Variants in CPLANE2 observed in about 807,000 individuals in gnomAD.
CPLANE2 encodes the protein ciliogenesis and planar polarity effector complex subunit 2.
Under a neutral mutation model 20.9 loss-of-function variants are expected in CPLANE2, and 24 were observed. The observed-to-expected ratio is 1.15, with a 90% CI of 0.83 to 1.61. The LOEUF (loss-of-function observed/expected upper bound fraction) is 1.61, where lower values mean the gene tolerates loss of function less well. Among genes scored for constraint, CPLANE2 ranks in the 40% most tolerant of loss-of-function variants. The probability of loss-of-function intolerance (pLI) is 0.00; values close to 1 mark genes in which losing one functional copy is unlikely to be tolerated. For missense variants in CPLANE2, 330 were observed against 355.1 expected, an observed-to-expected ratio of 0.93 and a Z score of 0.57; for synonymous variants, 132 against 144.3, an observed-to-expected ratio of 0.92 and a Z score of 0.61.
At chr1:16,236,598 G>A (rs1489962474) in intron 1 of CPLANE2, 33 bp downstream of exon 1, 1 of 1,487,000 alleles carries the variant, frequency 6.7e-7, no homozygotes, top group Admixed American at 2.0e-5. Flanking sequence ...GGAAAGACAA[G>A]TGGCGGGCTA....
intron 2 of CPLANE2, 90 bp downstream of exon 2, chr1:16,233,522 A>G (rs1357189657): frequency 1.1e-5 from 16 of 1,462,892 alleles, no homozygotes; most frequent in Non-Finnish European, 1.5e-5. Flanking sequence ...TTCCAAGGCT[A>G]CAGAGTAAGA....
chr1:16,234,263 G>T (rs1038469067), intron 1 of CPLANE2, among the ~76,000 whole-genome samples: 1 of 152,130 alleles, frequency 6.6e-6, no homozygotes, highest in Non-Finnish European at 1.5e-5. Context: ...AATCAGCTGG[G>T]TGTGGTGGTG....
In CPLANE2 at chr1:16,232,952, G is replaced by A. The variant is rs141168630; in HGVS notation, c.331C>T (p.Arg111Cys). The change falls in exon 3 of 5, where the codon CGT (arginine) becomes TGT (cysteine). Residue 111 changes from arginine to cysteine, a missense_variant. Coordinates refer to ENST00000375599, the MANE Select transcript of CPLANE2 (RefSeq NM_030907.4). ...TCTCCACAGTCCCAGAACTCAAAAC[G>A]AAACATGACGACACGGCTGCTGGCC... ...LQASSRVVMFRFEFWDCGESA... is the reference protein window; with the variant it reads ...LQASSRVVMFCFEFWDCGESA... The A allele has an allele frequency of 8.1e-6, 13 of 1,614,076 alleles. No individual in the cohort carries two copies. Among genetic ancestry groups the A allele is most frequent in the Admixed American group, 3.3e-5 (2 of 60,006 alleles).
rs776638434 is a variant in CPLANE2 at position 16,233,612 on chromosome 1, C to T, written c.265G>A (p.Gly89Ser). Residue 89 changes from glycine (G) to serine (S), a missense_variant and splice_region_variant, in exon 2 of 5, where the codon GGC (glycine) becomes AGC (serine). Transcript: ENST00000375599. ...EVPVVHHETTGIQTTVVFWPA... is the reference protein window; with the variant it reads ...EVPVVHHETTSIQTTVVFWPA... ...GGCAAAGGATAGAGGTCCCACTCAC[C>T]GGTGGTCTCGTGGTGCACCACAGGC... is the stretch of plus-strand genomic sequence containing the variant. The T allele has an allele frequency of 2.2e-5, 35 of 1,613,904 alleles. No individual in the cohort carries two copies. Among genetic ancestry groups the T allele is most frequent in the Middle Eastern group, 1.6e-4 (1 of 6,080 alleles).
rs371168864 is a variant in CPLANE2 at position 16,232,067 on chromosome 1, G to C, written c.758C>G (p.Pro253Arg). The change falls in exon 5 of 5, where the codon CCA becomes CGA. Residue 253 changes from proline to arginine, a missense_variant. Coordinates refer to ENST00000375599, the MANE Select transcript of CPLANE2 (RefSeq NM_030907.4). ...QVAAGLLPNP[P>R]ESAPE Reference sequence around the variant, plus strand: ...CGTGACTCATTCAGGAGCACTCTCTGGGGGGTTGGGAAGCAGGCCAGCCGC... The same window carrying C: ...CGTGACTCATTCAGGAGCACTCTCTCGGGGGTTGGGAAGCAGGCCAGCCGC... 88 of 1,612,994 alleles carry C rather than the reference G, an allele frequency of 5.5e-5. No individual in the cohort carries two copies. The East Asian group carries it at 9.1e-4, about 17-fold the overall frequency.
chr1:16,232,547 C>T lies in CPLANE2; in HGVS notation c.490G>A (p.Glu164Lys). 1.2e-6 allele frequency: 2 copies of T among 1,614,142 alleles called. No homozygotes were observed. The highest frequency in any genetic ancestry group is 1.7e-6 in the Non-Finnish European group (2 of 1,180,008). Residue 164 changes from glutamate to lysine, a missense_variant, in exon 4 of 5, where the codon GAG becomes AAG. Physicochemically the swap from Glu to Lys is moderately conservative, Grantham distance 56. Transcript: ENST00000375599. ...LPGQLARIAG[E>K]APGVVRMVIG... is the part of the protein sequence containing the mutation. ...ACCATCCTGACGACACCAGGGGCCT[C>T]ACCTGCTATGCGGGCCAGCTGTCCA... is the stretch of plus-strand genomic sequence containing the variant.
rs758129701 is a variant in CPLANE2, at chr1:16,233,003, CG to C, written c.279del (p.Val94TrpfsTer68). ...TGCAGCTTGGCTGGCCAAAATACCACGGTGGTCTGGATGCCTGAGGGGGAGC... is the reference window on the plus strand; with the variant it reads ...TGCAGCTTGGCTGGCCAAAATACCACGTGGTCTGGATGCCTGAGGGGGAGC... ...VHHETTGIQTTVVFWPAKLQA... is the reference protein window; with the variant it reads ...VHHETTGIQTXVVFWPAKLQA... On this transcript the variant is annotated frameshift_variant, in exon 3 of 5. Coordinates refer to ENST00000375599, the MANE Select transcript of CPLANE2 (RefSeq NM_030907.4). LOFTEE classifies it high-confidence loss of function. The C allele has an allele frequency of 1.2e-6, 2 of 1,614,090 alleles. No individual in the cohort carries two copies. The highest frequency in any genetic ancestry group is 1.3e-5 in the African/African-American group (1 of 75,034).
At chr1:16,233,299 GGA>G (rs2081439216) in intron 2 of CPLANE2, among the ~76,000 whole-genome samples, 1 of 152,182 alleles carries the variant, frequency 6.6e-6, no homozygotes. Context: ...CAGGACGCTG[GGA>G]GATGTTTCAA....
At chr1:16,233,527 G>C (rs1256521438) in intron 2 of CPLANE2, 85 bp downstream of exon 2, 2 of 1,500,716 alleles carry the variant, frequency 1.3e-6, no homozygotes. Flanking sequence ...AGGCTACAGA[G>C]TAAGAGGTGG....
chr1:16,234,045 A>G (rs372536782), intron 1 of CPLANE2, among the ~76,000 whole-genome samples: 2 of 152,138 alleles, frequency 1.3e-5, no homozygotes, highest in African/African-American at 4.8e-5. Flanking sequence ...TGCTGCTGCC[A>G]TGTTCTTAGA....
At chr1:16,236,517 G>T in intron 1 of CPLANE2, 114 bp downstream of exon 1, 1 of 796,520 alleles carries the variant, frequency 1.3e-6, no homozygotes, top group Non-Finnish European at 2.1e-6. Flanking sequence ...GAAGACTGCA[G>T]TGGAGCAGGC....
intron 2 of CPLANE2, 128 bp downstream of exon 2, chr1:16,233,484 C>T (rs1569776612): frequency 9.0e-7 from 1 of 1,111,704 alleles, no homozygotes; most frequent in East Asian, 2.4e-5. Flanking sequence ...CCAAGGAGCC[C>T]ATGTAGGCTC....
At chr1:16,233,294 C>T (rs375487257) in intron 2 of CPLANE2, among the ~76,000 whole-genome samples, 12 of 152,180 alleles carry the variant, frequency 7.9e-5, no homozygotes, top group African/African-American at 2.2e-4. Context: ...GGGCCCAGGA[C>T]GCTGGGAGAT....
At chr1:16,235,659 G>C (rs1024369669) in intron 1 of CPLANE2, among the ~76,000 whole-genome samples, 3 of 150,784 alleles carry the variant, frequency 2.0e-5, no homozygotes, top group African/African-American at 7.4e-5. Context: ...TAGAGGGACA[G>C]TGGCCATATT....
At chr1:16,233,789 G>T in intron 1 of CPLANE2, 25 bp from the exon 2 acceptor site, 3 of 1,613,478 alleles carry the variant, frequency 1.9e-6, no homozygotes, top group Non-Finnish European at 2.5e-6. Context: ...GAGCCAGGCA[G>T]GGTCAAGGGG....
At chr1:16,233,923 T>C (rs1373479789) in intron 1 of CPLANE2, among the ~76,000 whole-genome samples, 159 bp from the exon 2 acceptor site, 1 of 152,130 alleles carries the variant, frequency 6.6e-6, no homozygotes, top group Non-Finnish European at 1.5e-5. Flanking sequence ...ATTAATGTTG[T>C]TATTGAGGGA....
At position 16,232,493 on chromosome 1, in the gene CPLANE2, G is replaced by A; in HGVS notation, c.527+17C>T. 6.2e-7 allele frequency: 1 copy of A among 1,612,328 alleles called. No homozygotes were observed. The highest frequency in any genetic ancestry group is 8.5e-7 in the Non-Finnish European group (1 of 1,179,126). ...ACCCCCTGGCTCCGTGACTTGCCAA[G>A]GATATCCAAAGGATACTTGGAGCCG... is the stretch of plus-strand genomic sequence containing the variant. On this transcript the variant is annotated intron_variant, in intron 4 of 4. Coordinates refer to ENST00000375599, the MANE Select transcript of CPLANE2 (RefSeq NM_030907.4).
At chr1:16,235,677 C>CTTTT (rs34360746) in intron 1 of CPLANE2, among the ~76,000 whole-genome samples, 4 of 117,278 alleles carry the variant, frequency 3.4e-5, no homozygotes, top group African/African-American at 6.9e-5. Flanking sequence ...ATTAGAGGGT[C>CTTTT]TTTTTTTTTT....
intron 1 of CPLANE2, among the ~76,000 whole-genome samples, chr1:16,235,508 G>A (rs1451459548): frequency 6.6e-6 from 1 of 152,044 alleles, no homozygotes; most frequent in Non-Finnish European, 1.5e-5. Flanking sequence ...GGTAAATACT[G>A]TGATTATCCC....
Sources: gnomAD v4.1 joint callset for allele counts (sites outside exome capture counted in the v4.1 genomes callset) on GRCh38, gnomAD v4.1.1 for gene constraint, MANE v1.5 for transcripts, NCBI Gene and HGNC (gene_info 2026-07-23, HGNC 2026-07-21) for gene names.